TNR: variants seen among roughly 807,000 people sequenced by gnomAD.
TNR encodes tenascin-R.
TNR carries 45 observed loss-of-function variants against 150.4 expected under a neutral mutation model. The observed-to-expected ratio is 0.30, with a 90% CI of 0.24 to 0.38. The LOEUF is 0.38. Ranked by LOEUF, TNR falls within the 10% of genes least tolerant of loss-of-function variation. TNR has a pLI of 1.00. For synonymous variants in TNR, 687 were observed against 678.4 expected, an observed-to-expected ratio of 1.01 and a Z score of -0.20; for missense variants, 1,544 against 1,759.1, an observed-to-expected ratio of 0.88 and a Z score of 2.19.
chr1:175,614,220 A>C (rs1182596401), intron 1 of TNR, among the ~76,000 whole-genome samples: 1 of 152,076 alleles, frequency 6.6e-6, no homozygotes, highest in Non-Finnish European at 1.5e-5. Flanking sequence ...TATGGTAGGA[A>C]GAGAGAGAGA....
At chr1:175,397,564 A>T (rs1003353513) in intron 4 of TNR, among the ~76,000 whole-genome samples, 1 of 152,236 alleles carries the variant, frequency 6.6e-6, no homozygotes, top group African/African-American at 2.4e-5. Context: ...ATGAGAAGCC[A>T]AAACAGTAAG....
intron 1 of TNR, among the ~76,000 whole-genome samples, chr1:175,553,817 A>AACACACAC (rs58714689): frequency 0.015 from 2,129 of 145,460 alleles, 45 homozygotes; most frequent in African/African-American, 0.049. Flanking sequence ...TACAAGAACA[A>AACACACAC]ACACACACAC....
intron 1 of TNR, among the ~76,000 whole-genome samples, chr1:175,553,646 A>AT (rs1330217309): frequency 6.6e-6 from 1 of 152,176 alleles, no homozygotes; most frequent in African/African-American, 2.4e-5. Context: ...GTTCTGCAGC[A>AT]TTTTTAATTC....
intron 2 of TNR, among the ~76,000 whole-genome samples, chr1:175,438,687 A>G (rs1483069441): frequency 2.0e-5 from 3 of 152,246 alleles, no homozygotes; most frequent in African/African-American, 7.2e-5. Context: ...AAGTCTCAGG[A>G]TACAAAATCA....
chr1:175,448,950 T>C (rs1352848060), intron 2 of TNR, among the ~76,000 whole-genome samples: 3 of 152,214 alleles, frequency 2.0e-5, no homozygotes, highest in African/African-American at 7.2e-5. Flanking sequence ...ACTTTGGTCC[T>C]TCCTTGAGTC....
chr1:175,570,388 TA>T (rs1160178283), intron 1 of TNR, among the ~76,000 whole-genome samples: 2 of 152,156 alleles, frequency 1.3e-5, no homozygotes, highest in East Asian at 1.9e-4. Flanking sequence ...TTTATGAGGC[TA>T]AAAAAGGCAG....
chr1:175,735,718 AG>A (rs1435171623), intron 1 of TNR, among the ~76,000 whole-genome samples: 28 of 152,328 alleles, frequency 1.8e-4, no homozygotes, highest in African/African-American at 6.7e-4. Context: ...TTATAAAGGA[AG>A]GGAAAATGTT....
chr1:175,331,162 TTTCCTTCCTTCC>T (rs199944963), intron 20 of TNR, among the ~76,000 whole-genome samples: 2,246 of 70,860 alleles, frequency 0.032, 149 homozygotes, highest in Non-Finnish European at 0.035. Flanking sequence ...TTTCTTTTTC[TTTCCTTCCTTCC>T]TTCCTTCCTT....
chr1:175,391,272 G>T lies in TNR; in HGVS notation c.1507+16C>A, dbSNP rs750144937. The T allele has an allele frequency of 3.1e-6, 5 of 1,612,744 alleles. No individual in the cohort carries two copies. Among genetic ancestry groups the T allele is most frequent in the Admixed American group, 1.7e-5 (1 of 60,014 alleles). On this transcript the variant is annotated intron_variant, in intron 7 of 22. Transcript: ENST00000367674. ...CCTAGTAGGCAGCTCTAGGGAGAAGGGTTGGAGGCACTCACCTGTGGAGAC... is the reference window on the plus strand; with the variant it reads ...CCTAGTAGGCAGCTCTAGGGAGAAGTGTTGGAGGCACTCACCTGTGGAGAC...
intron 1 of TNR, among the ~76,000 whole-genome samples, chr1:175,655,763 A>G (rs1056891723): frequency 6.6e-6 from 1 of 152,244 alleles, no homozygotes; most frequent in Non-Finnish European, 1.5e-5. Flanking sequence ...CAGCTCAGAC[A>G]TCACACCTCA....
At chr1:175,693,564 C>T (rs545964315) in intron 1 of TNR, among the ~76,000 whole-genome samples, 18 of 152,296 alleles carry the variant, frequency 1.2e-4, no homozygotes, top group African/African-American at 3.8e-4. Context: ...CCCATCTGTA[C>T]GCTGTCATTC....
intron 2 of TNR, among the ~76,000 whole-genome samples, chr1:175,500,882 C>T (rs1223331883): frequency 6.6e-6 from 1 of 152,116 alleles, no homozygotes; most frequent in Non-Finnish European, 1.5e-5. Flanking sequence ...AAATAGCCAT[C>T]CAGTCCTAAT....
At chr1:175,537,609 C>T (rs1255946147) in intron 1 of TNR, among the ~76,000 whole-genome samples, 11 of 152,308 alleles carry the variant, frequency 7.2e-5, no homozygotes, top group East Asian at 3.9e-4. Flanking sequence ...TCATCTCCCC[C>T]GGATCTGCAT....
intron 2 of TNR, among the ~76,000 whole-genome samples, chr1:175,438,424 A>C (rs1318408632): frequency 6.6e-6 from 1 of 152,206 alleles, no homozygotes; most frequent in Non-Finnish European, 1.5e-5. Context: ...CCAATATCAT[A>C]CTGAATGGAC....
intron 1 of TNR, among the ~76,000 whole-genome samples, chr1:175,548,922 G>A (rs1330686618): frequency 6.6e-6 from 1 of 152,280 alleles, no homozygotes; most frequent in Non-Finnish European, 1.5e-5. Context: ...ATTCATCACT[G>A]AATACAACAA....
At chr1:175,328,397 G>A (rs562891930) in intron 21 of TNR, among the ~76,000 whole-genome samples, 56 of 152,268 alleles carry the variant, frequency 3.7e-4, no homozygotes, top group African/African-American at 1.3e-3. Flanking sequence ...AACTTGGATC[G>A]GAGGCCCTGG....
chr1:175,454,956 C>T (rs1656500420), intron 2 of TNR, among the ~76,000 whole-genome samples: 1 of 152,162 alleles, frequency 6.6e-6, no homozygotes, highest in Non-Finnish European at 1.5e-5. Context: ...CTTGTGATTG[C>T]TTCAACTAAT....
rs181751025 is a variant in TNR at position 175,632,650 on chromosome 1, T to C, written c.-164-104281A>G. ...GGTGTTAAAAACAAAATAACATTAA[T>C]ATCAACCTTTATTAAATACCTATTT... On this transcript the variant is annotated intron_variant, in intron 1 of 22. Coordinates refer to ENST00000367674, the MANE Select transcript of TNR (RefSeq NM_003285.3). Among the ~76,000 whole-genome samples the C allele has an allele frequency of 1.9e-3, 284 of 152,330 alleles. 4 individuals are homozygous for C. The highest frequency in any genetic ancestry group is 4.6e-4 in the Non-Finnish European group (31 of 68,038).
At chr1:175,350,386 A>G (rs1428475409) in intron 18 of TNR, among the ~76,000 whole-genome samples, 1 of 152,248 alleles carries the variant, frequency 6.6e-6, no homozygotes, top group Non-Finnish European at 1.5e-5. Context: ...ATTAAAAGAG[A>G]CAATGAAACT....
Sources: gnomAD v4.1 joint callset for allele counts (sites outside exome capture counted in the v4.1 genomes callset) on GRCh38, gnomAD v4.1.1 for gene constraint, MANE v1.5 for transcripts, NCBI Gene and HGNC (gene_info 2026-07-23, HGNC 2026-07-21) for gene names.